Variants in CRYBG1 observed in about 807,000 individuals in gnomAD.
CRYBG1 encodes crystallin beta-gamma domain containing 1.
In CRYBG1, 139 loss-of-function variants were observed where a neutral mutation model predicts 189.2. The ratio of observed to expected loss-of-function variants is 0.73; its 90% confidence interval spans 0.64 to 0.85. The LOEUF (loss-of-function observed/expected upper bound fraction) is 0.85, where lower values mean the gene tolerates loss of function less well. Among genes scored for constraint, CRYBG1 ranks in the 40% least tolerant of loss-of-function variants. The pLI is 0.00. For missense variants in CRYBG1, 2,611 were observed against 2,675.8 expected (o/e 0.98, Z 0.53); for synonymous variants, 1,023 against 1,017.1 (o/e 1.01, Z -0.11).
chr6:106,363,309 T>TTTTATA (rs1771917787), intron 1 of CRYBG1, among the ~76,000 whole-genome samples: 2 of 152,052 alleles, frequency 1.3e-5, no homozygotes, highest in South Asian at 4.2e-4. Flanking sequence ...TTTTTTTATA[T>TTTTATA]TTTAGTGCAG....
chr6:106,370,467 C>T (rs544210412), intron 1 of CRYBG1, among the ~76,000 whole-genome samples: 1 of 152,314 alleles, frequency 6.6e-6, no homozygotes, highest in East Asian at 1.9e-4. Context: ...TAACTTTAGG[C>T]CTCTAGAAGC....
rs189640361 is a variant in CRYBG1 at position 106,423,757 on chromosome 6, G to A, written c.174-27937G>A. The stretch of plus-strand genomic sequence containing the variant: ...GTCTCACACTGTCACCAAAGCTAGA[G>A]TGCAATGGTGTGATCACGGCTCACT... On this transcript the variant is annotated intron_variant, in intron 1 of 21. Coordinates refer to ENST00000633556, the MANE Select transcript of CRYBG1 (RefSeq NM_001371242.2). Among the ~76,000 whole-genome samples the A allele has an allele frequency of 2.4e-3, 300 of 123,630 alleles. 1 individual carries two copies. The highest frequency in any genetic ancestry group is 9.0e-3 in the African/African-American group (290 of 32,082). 81.1% of individuals were successfully genotyped at this position (123,630 alleles called of 152,430 possible).
rs1773258170 is a variant in CRYBG1, at chr6:106,511,618, G to A, written c.501G>A (p.Arg167=). The A allele has an allele frequency of 3.3e-6, 5 of 1,535,794 alleles. No individual in the cohort carries two copies. Among genetic ancestry groups the A allele is most frequent in the Non-Finnish European group, 3.5e-6 (4 of 1,146,666 alleles). ...AGCTCCCAGAGAGAGAGAGTGAGAG[G>A]AGCAGATCTCAGAGCAGCCAACTGA... ...SPKLPERESE[R]SRSQSSQLKQ... Residue 167 remains arginine, a synonymous_variant, in exon 3 of 22, where the codon AGG becomes AGA. Coordinates refer to ENST00000633556, the MANE Select transcript of CRYBG1 (RefSeq NM_001371242.2).
At position 106,568,412 on chromosome 6, in the gene CRYBG1, G is replaced by A. The variant is rs1048762829; in HGVS notation, c.6302-60G>A. 3.0e-6 allele frequency: 4 copies of A among 1,321,530 alleles called. No homozygotes were observed. In the African/African-American group the frequency reaches 4.4e-5, roughly 14 times the overall value. 81.9% of individuals were successfully genotyped at this position (1,321,530 alleles called of 1,614,324 possible). A position where few individuals can be genotyped will look rare whatever the true frequency, so the allele number is the denominator to read the frequency against. On this transcript the variant is annotated intron_variant, in intron 21 of 21. Coordinates refer to ENST00000633556, the MANE Select transcript of CRYBG1 (RefSeq NM_001371242.2). Reference sequence around the variant, plus strand: ...GCTGTACTGGTGTTAGGGGAATTGTGTCTGCTATAGACCCTTCACCATGGG... The same window carrying A: ...GCTGTACTGGTGTTAGGGGAATTGTATCTGCTATAGACCCTTCACCATGGG...
intron 1 of CRYBG1, among the ~76,000 whole-genome samples, chr6:106,361,981 T>TCTTTCTTTCTTTC (rs1259589202): frequency 1.2e-4 from 3 of 25,280 alleles, no homozygotes; most frequent in Admixed American, 3.4e-4. Context: ...TTTTTTTTTT[T>TCTTTCTTTCTTTC]TTTTTCTGAG....
intron 2 of CRYBG1, among the ~76,000 whole-genome samples, chr6:106,477,361 G>A (rs1382863632): frequency 6.6e-6 from 1 of 152,194 alleles, no homozygotes; most frequent in Non-Finnish European, 1.5e-5. Flanking sequence ...GAAGGAAGTG[G>A]TTCTTACGTT....
chr6:106,562,227 G>T (rs999284001), intron 20 of CRYBG1, among the ~76,000 whole-genome samples: 6 of 152,220 alleles, frequency 3.9e-5, no homozygotes, highest in African/African-American at 1.4e-4. Context: ...CTGTTGTGCT[G>T]GAGGGGGAAT....
intron 2 of CRYBG1, among the ~76,000 whole-genome samples, chr6:106,469,407 C>A (rs1394680239): frequency 6.6e-6 from 1 of 152,184 alleles, no homozygotes; most frequent in Non-Finnish European, 1.5e-5. Flanking sequence ...ATTTTTGTCT[C>A]TTTTGTTCAT....
Position 106,462,942 on chromosome 6 carries a change from C to T in CRYBG1, c.312+11110C>T, listed in dbSNP as rs563798192. Among the ~76,000 whole-genome samples, 23 of 152,256 alleles carry T rather than the reference C, an allele frequency of 1.5e-4. No homozygotes were observed. In the East Asian group the frequency reaches 4.2e-3, roughly 28 times the overall value. ...ACCAAAGCGGGAGGATTGCTTGAGG[C>T]CAGGAGTTTGAAACCAGCCTGGGCA... On this transcript the variant is annotated intron_variant, in intron 2 of 21. Transcript: ENST00000633556.
chr6:106,360,791 G>A lies in CRYBG1; in HGVS notation c.-118G>A. 8.1e-7 allele frequency: 1 copy of A among 1,230,142 alleles called. No homozygotes were observed. Among genetic ancestry groups the A allele is most frequent in the Non-Finnish European group, 1.1e-6 (1 of 927,328 alleles). 76.2% of individuals were successfully genotyped at this position (1,230,142 alleles called of 1,614,324 possible). A position where few individuals can be genotyped will look rare whatever the true frequency, so the allele number is the denominator to read the frequency against. Reference sequence around the variant, plus strand: ...CCCCCGCATCCGCGACGAGGGGGCGGGGTCCCACGGCGCGCTGAGAAAGGC... The same window carrying A: ...CCCCCGCATCCGCGACGAGGGGGCGAGGTCCCACGGCGCGCTGAGAAAGGC... On this transcript the variant is annotated 5_prime_UTR_variant, in exon 1 of 22. Transcript: ENST00000633556.
Position 106,561,377 on chromosome 6 carries a change from A to G in CRYBG1, c.6015A>G (p.Thr2005=). 5 of 1,614,066 alleles carry G rather than the reference A, an allele frequency of 3.1e-6. No homozygotes were observed. Among genetic ancestry groups the G allele is most frequent in the Non-Finnish European group, 4.2e-6 (5 of 1,179,970 alleles). The change falls in exon 20 of 22, where the codon ACA becomes ACG. Residue 2005 remains threonine (T), a synonymous_variant. Coordinates refer to ENST00000633556, the MANE Select transcript of CRYBG1 (RefSeq NM_001371242.2). ...RIYFRLRNKA[T]GLFMSTNGNL... is the part of the protein sequence containing the mutation. ...ATTTCAGACTTCGAAACAAAGCAAC[A>G]GGGTTATTCATGTCAACCAATGGAA...
chr6:106,462,580 C>A (rs1772036435), intron 2 of CRYBG1, among the ~76,000 whole-genome samples: 1 of 152,188 alleles, frequency 6.6e-6, no homozygotes, highest in Admixed American at 6.5e-5. Flanking sequence ...TTTTTCAGAA[C>A]CTCTAATGCT....
chr6:106,562,649 G>C (rs1774755948), intron 20 of CRYBG1, among the ~76,000 whole-genome samples: 1 of 152,116 alleles, frequency 6.6e-6, no homozygotes, highest in Non-Finnish European at 1.5e-5. Context: ...ACCACGCCCA[G>C]CTAACTTTTT....
intron 1 of CRYBG1, among the ~76,000 whole-genome samples, chr6:106,384,547 CCA>C (rs1770349196): frequency 6.6e-6 from 1 of 151,950 alleles, no homozygotes; most frequent in Admixed American, 6.6e-5. Flanking sequence ...TTGTTTATGT[CCA>C]GTCTACTCCG....
At chr6:106,539,300 C>T in intron 8 of CRYBG1, 103 bp from the exon 9 acceptor site, 1 of 1,372,836 alleles carries the variant, frequency 7.3e-7, no homozygotes, top group Non-Finnish European at 1.0e-6. Flanking sequence ...AGGTCCGTAT[C>T]CTCTCCTGTT....
intron 13 of CRYBG1, among the ~76,000 whole-genome samples, chr6:106,546,189 C>T (rs1774262786): frequency 6.6e-6 from 1 of 152,132 alleles, no homozygotes; most frequent in Admixed American, 6.5e-5. Flanking sequence ...GTTGGTGGTT[C>T]CCCAGGGACA....
chr6:106,392,624 A>G (rs2114339582), intron 1 of CRYBG1, among the ~76,000 whole-genome samples: 1 of 152,356 alleles, frequency 6.6e-6, no homozygotes, highest in South Asian at 2.1e-4. Flanking sequence ...GTGTTTATCT[A>G]AGATTAAATT....
intron 1 of CRYBG1, among the ~76,000 whole-genome samples, chr6:106,382,237 T>C (rs1008331280): frequency 6.6e-6 from 1 of 152,214 alleles, no homozygotes; most frequent in African/African-American, 2.4e-5. Flanking sequence ...ATCTAGGACA[T>C]AGCACTTTAA....
intron 1 of CRYBG1, among the ~76,000 whole-genome samples, chr6:106,368,950 G>A (rs1177908872): frequency 6.6e-6 from 1 of 152,130 alleles, no homozygotes; most frequent in Non-Finnish European, 1.5e-5. Flanking sequence ...ACAACAAAAT[G>A]TCACTTAAAA....
Sources: gnomAD v4.1 joint callset for allele counts (sites outside exome capture counted in the v4.1 genomes callset) on GRCh38, gnomAD v4.1.1 for gene constraint, MANE v1.5 for transcripts, NCBI Gene and HGNC (gene_info 2026-07-23, HGNC 2026-07-21) for gene names.